FNIP1: variants seen among roughly 807,000 people sequenced by gnomAD.
The protein encoded by FNIP1 is folliculin interacting protein 1.
In FNIP1, 40 loss-of-function variants were observed where a neutral mutation model predicts 124.5. That is an observed-to-expected ratio of 0.32 (90% CI 0.25 to 0.42). The LOEUF is 0.42. FNIP1 is among the 10% of genes least tolerant of loss of function. The probability of loss-of-function intolerance (pLI) is 1.00; values close to 1 mark genes in which losing one functional copy is unlikely to be tolerated. For missense variants in FNIP1, 1,176 were observed against 1,403.7 expected, an observed-to-expected ratio of 0.84 and a Z score of 2.59; for synonymous variants, 472 against 470.6, an observed-to-expected ratio of 1.00 and a Z score of -0.04.
chr5:131,658,207 A>T (rs1045776633), intron 15 of FNIP1, among the ~76,000 whole-genome samples: 1 of 152,116 alleles, frequency 6.6e-6, no homozygotes, highest in Non-Finnish European at 1.5e-5. Flanking sequence ...AAACAAATTG[A>T]CGTTAGACAA....
At chr5:131,658,040 CA>C (rs543062745) in intron 15 of FNIP1, among the ~76,000 whole-genome samples, 3,141 of 57,294 alleles carry the variant, frequency 0.055, 28 homozygotes, top group Non-Finnish European at 0.073. Context: ...GACTCCATCT[CA>C]AAAAAAAAAA....
intron 3 of FNIP1, among the ~76,000 whole-genome samples, chr5:131,725,191 T>C (rs961408878): frequency 6.6e-6 from 1 of 152,206 alleles, no homozygotes; most frequent in Non-Finnish European, 1.5e-5. Flanking sequence ...CAGGCTCTTT[T>C]TTGGTTCCAT....
chr5:131,652,132 A>G (rs1767057538), intron 15 of FNIP1, 133 bp from the exon 16 acceptor site: 3 of 726,988 alleles, frequency 4.1e-6, no homozygotes, highest in Non-Finnish European at 6.6e-6. Flanking sequence ...TATCTCCTTG[A>G]CCAAGAAGAA....
intron 10 of FNIP1, among the ~76,000 whole-genome samples, chr5:131,700,240 C>T (rs1768854932): frequency 6.6e-6 from 1 of 151,938 alleles, no homozygotes; most frequent in Non-Finnish European, 1.5e-5. Context: ...CCTCGGCCTC[C>T]CAAAATGCTG....
At chr5:131,703,872 G>A (rs1768985291) in intron 10 of FNIP1, among the ~76,000 whole-genome samples, 193 bp downstream of exon 10, 1 of 152,122 alleles carries the variant, frequency 6.6e-6, no homozygotes, top group Non-Finnish European at 1.5e-5. Context: ...AGAACAAATG[G>A]ATGAATGATC....
intron 3 of FNIP1, among the ~76,000 whole-genome samples, chr5:131,723,830 G>A (rs1769756366): frequency 6.6e-6 from 1 of 152,008 alleles, no homozygotes; most frequent in South Asian, 2.1e-4. Context: ...ATCTACATTA[G>A]GTATTTTTCC....
intron 1 of FNIP1, among the ~76,000 whole-genome samples, chr5:131,779,017 G>A (rs1771906746): frequency 9.7e-6 from 1 of 103,028 alleles, no homozygotes; most frequent in South Asian, 4.3e-4. Flanking sequence ...GAGGGGGGAG[G>A]GATAGCATTG....
intron 3 of FNIP1, among the ~76,000 whole-genome samples, chr5:131,722,718 T>C (rs1769709131): frequency 6.6e-6 from 1 of 152,236 alleles, no homozygotes; most frequent in South Asian, 2.1e-4. Flanking sequence ...GAAGTCTTGC[T>C]CTTGTCGCCC....
chr5:131,780,043 AAAT>A (rs911818472), intron 1 of FNIP1, among the ~76,000 whole-genome samples: 4 of 151,804 alleles, frequency 2.6e-5, no homozygotes, highest in African/African-American at 4.8e-5. Context: ...TCTAGCAAAA[AAAT>A]AATAATAATA....
At chr5:131,710,817 T>G (rs1769263195) in intron 6 of FNIP1, among the ~76,000 whole-genome samples, 156 bp from the exon 7 acceptor site, 1 of 152,226 alleles carries the variant, frequency 6.6e-6, no homozygotes, top group Non-Finnish European at 1.5e-5. Flanking sequence ...GTCTTTCCCA[T>G]TTTTGAAACA....
At chr5:131,657,891 A>T (rs1767255401) in intron 15 of FNIP1, among the ~76,000 whole-genome samples, 1 of 151,938 alleles carries the variant, frequency 6.6e-6, no homozygotes, top group Admixed American at 6.6e-5. Context: ...ATACAAAAAA[A>T]TTAGCCGGGT....
intron 2 of FNIP1, among the ~76,000 whole-genome samples, chr5:131,736,438 C>G (rs1273076188): frequency 2.0e-5 from 3 of 152,194 alleles, no homozygotes; most frequent in Admixed American, 6.5e-5. Context: ...TCACGAACCA[C>G]CATTTCATCA....
intron 1 of FNIP1, among the ~76,000 whole-genome samples, chr5:131,776,056 T>C (rs1771792747): frequency 6.6e-6 from 1 of 152,226 alleles, no homozygotes; most frequent in African/African-American, 2.4e-5. Context: ...TATGTTCATA[T>C]CTTAACTCAT....
intron 3 of FNIP1, among the ~76,000 whole-genome samples, chr5:131,719,669 A>G (rs764184356): frequency 6.6e-6 from 1 of 152,176 alleles, no homozygotes; most frequent in Non-Finnish European, 1.5e-5. Flanking sequence ...AAAATACTAC[A>G]GTTTGTCAGA....
intron 11 of FNIP1, among the ~76,000 whole-genome samples, chr5:131,689,133 GTTC>G (rs1360907497): frequency 1.5e-5 from 2 of 136,502 alleles, no homozygotes; most frequent in African/African-American, 2.6e-5. Flanking sequence ...CTGCATTAGA[GTTC>G]TTGTTAGAAA....
intron 15 of FNIP1, among the ~76,000 whole-genome samples, chr5:131,664,926 G>T (rs904527851): frequency 6.6e-6 from 1 of 150,690 alleles, no homozygotes; most frequent in Admixed American, 6.6e-5. Flanking sequence ...AGATATGCTT[G>T]TGTATATCTG....
At chr5:131,787,132 A>C (rs1772243272) in intron 1 of FNIP1, among the ~76,000 whole-genome samples, 1 of 152,232 alleles carries the variant, frequency 6.6e-6, no homozygotes, top group South Asian at 2.1e-4. Context: ...CCCTTGCCAC[A>C]GTAACCAAAA....
chr5:131,763,886 A>C (rs912876774), intron 1 of FNIP1, among the ~76,000 whole-genome samples: 1 of 151,922 alleles, frequency 6.6e-6, no homozygotes, highest in African/African-American at 2.4e-5. Flanking sequence ...ATACCTTTTG[A>C]TATAGTTTGG....
In FNIP1 at chr5:131,672,595, G is replaced by A; in HGVS notation, c.1849C>T (p.Leu617Phe). ...NCNCKYCSHPLLGQNVENISQ... is the reference protein window; with the variant it reads ...NCNCKYCSHPFLGQNVENISQ... ...ATGTTCTCTACATTTTGCCCAAGGA[G>A]TGGATGACTGCAATATTTACAGTTA... The change falls in exon 14 of 18, where the codon CTC becomes TTC. Residue 617 changes from leucine (L) to phenylalanine (F), a missense_variant. Leu to Phe is a conservative substitution (Grantham distance 22, BLOSUM62 0). Coordinates refer to ENST00000510461, the MANE Select transcript of FNIP1 (RefSeq NM_133372.3). 6.2e-7 allele frequency: 1 copy of A among 1,614,178 alleles called. No homozygotes were observed. The highest frequency in any genetic ancestry group is 8.5e-7 in the Non-Finnish European group (1 of 1,180,026).
Sources: allele counts gnomAD v4.1 joint callset (sites outside exome capture counted in the v4.1 genomes callset), GRCh38; gene constraint gnomAD v4.1.1; transcripts MANE v1.5; gene names NCBI Gene and HGNC (gene_info 2026-07-23, HGNC 2026-07-21).